The following CTNNA2 variants were observed in gnomAD, a reference collection of about 807,000 sequenced individuals.
CTNNA2 encodes catenin alpha-2.
A neutral mutation model predicts 101.0 loss-of-function variants in CTNNA2; 42 were observed. The observed-to-expected ratio is 0.42, with a 90% CI of 0.32 to 0.54. The LOEUF is 0.54. CTNNA2 is among the 20% of genes least tolerant of loss of function. The pLI, the probability that CTNNA2 is intolerant of heterozygous loss-of-function variation, is 0.14. For synonymous variants in CTNNA2, 450 were observed against 456.4 expected (o/e 0.99, Z 0.18); for missense variants, 871 against 1,223.1 (o/e 0.71, Z 4.29).
intron 7 of CTNNA2, among the ~76,000 whole-genome samples, chr2:80,231,596 C>A (rs929346292): frequency 6.6e-6 from 1 of 152,112 alleles, no homozygotes; most frequent in African/African-American, 2.4e-5. Flanking sequence ...ATTATACTTT[C>A]CTCCTCTTGG....
intron 2 of CTNNA2, among the ~76,000 whole-genome samples, chr2:79,258,885 G>A (rs1402091932): frequency 6.9e-6 from 1 of 145,250 alleles, no homozygotes; most frequent in Non-Finnish European, 1.5e-5. Context: ...AAACGAATCT[G>A]ATTGTACCGA....
intron 7 of CTNNA2, among the ~76,000 whole-genome samples, chr2:80,031,533 G>T (rs1352874235): frequency 6.6e-6 from 1 of 152,070 alleles, no homozygotes; most frequent in African/African-American, 2.4e-5. Flanking sequence ...GAGAACAGCA[G>T]GAAAAATCTG....
intron 9 of CTNNA2, among the ~76,000 whole-genome samples, chr2:80,497,598 C>A (rs917455591): frequency 1.3e-5 from 2 of 152,182 alleles, no homozygotes; most frequent in Non-Finnish European, 2.9e-5. Context: ...GTTCTACACA[C>A]CCTGCATAAT....
chr2:79,842,978 C>A (rs1679940742), intron 3 of CTNNA2, among the ~76,000 whole-genome samples: 1 of 152,104 alleles, frequency 6.6e-6, no homozygotes, highest in Non-Finnish European at 1.5e-5. Context: ...CAGAGTATGG[C>A]AAAATAGATT....
At chr2:79,550,822 C>T (rs1021351365) in intron 1 of CTNNA2, among the ~76,000 whole-genome samples, 2 of 152,140 alleles carry the variant, frequency 1.3e-5, no homozygotes, top group African/African-American at 4.8e-5. Flanking sequence ...AATATACCCA[C>T]AGTCACCTAG....
At chr2:80,638,817 T>A (rs949547448) in intron 18 of CTNNA2, among the ~76,000 whole-genome samples, 3 of 152,200 alleles carry the variant, frequency 2.0e-5, no homozygotes, top group African/African-American at 7.2e-5. Context: ...GAATTAAAAA[T>A]GAAGACACAA....
intron 3 of CTNNA2, among the ~76,000 whole-genome samples, chr2:79,315,328 C>T (rs996839859): frequency 9.9e-5 from 15 of 152,220 alleles, no homozygotes; most frequent in Admixed American, 3.9e-4. Flanking sequence ...AGCTGTACAA[C>T]CATTACCACT....
intron 1 of CTNNA2, among the ~76,000 whole-genome samples, chr2:79,649,074 A>G (rs554053059): frequency 6.6e-6 from 1 of 152,206 alleles, no homozygotes; most frequent in East Asian, 1.9e-4. Flanking sequence ...GGCCCTAACT[A>G]ACACTTGCTT....
chr2:80,380,973 T>TA (rs1226738982), intron 7 of CTNNA2, among the ~76,000 whole-genome samples: 1 of 152,196 alleles, frequency 6.6e-6, no homozygotes, highest in African/African-American at 2.4e-5. Context: ...GTTTAGTTTT[T>TA]AACTGTCATG....
intron 7 of CTNNA2, among the ~76,000 whole-genome samples, chr2:80,380,928 CAT>C (rs1452568734): frequency 2.6e-5 from 4 of 152,146 alleles, no homozygotes; most frequent in Non-Finnish European, 4.4e-5. Flanking sequence ...CGATGTGAGA[CAT>C]GTGTTCCAGG....
In CTNNA2 at chr2:79,224,995, A is replaced by T. The variant is rs567315489; in HGVS notation, c.-406+26919A>T. On this transcript the variant is annotated intron_variant, in intron 2 of 21. Coordinates refer to the CTNNA2 transcript ENST00000466387. ...TTGTTGGATAATATGACAGTCTACAAATATACTCCAGTTTGTTTATCTATT... is the reference window on the plus strand; with the variant it reads ...TTGTTGGATAATATGACAGTCTACATATATACTCCAGTTTGTTTATCTATT... 2.3e-3 allele frequency among the ~76,000 whole-genome samples: 349 copies of T among 152,066 alleles called. 3 individuals carry two copies. Among genetic ancestry groups the T allele is most frequent in the Non-Finnish European group, 4.3e-3 (289 of 67,954 alleles).
At chr2:80,502,507 A>G (rs946476541) in intron 9 of CTNNA2, among the ~76,000 whole-genome samples, 5 of 152,220 alleles carry the variant, frequency 3.3e-5, no homozygotes, top group African/African-American at 1.2e-4. Context: ...ATTACAAGAA[A>G]GCACTGCTTT....
chr2:80,430,534 T>A (rs74647761), intron 9 of CTNNA2, among the ~76,000 whole-genome samples: 3,209 of 152,278 alleles, frequency 0.021, 45 homozygotes, highest in Middle Eastern at 0.054. Context: ...CTGTATAGAT[T>A]CATATTTATA....
intron 7 of CTNNA2, among the ~76,000 whole-genome samples, chr2:80,262,216 G>T (rs933742844): frequency 2.0e-5 from 3 of 152,014 alleles, no homozygotes; most frequent in Admixed American, 2.0e-4. Flanking sequence ...CATCTATATA[G>T]CTGGAGATCA....
intron 7 of CTNNA2, among the ~76,000 whole-genome samples, chr2:80,264,412 A>C (rs962059341): frequency 6.6e-6 from 1 of 152,156 alleles, no homozygotes; most frequent in African/African-American, 2.4e-5. Flanking sequence ...ATCACACAAG[A>C]AGGTGTTTGC....
intron 3 of CTNNA2, among the ~76,000 whole-genome samples, chr2:79,746,801 T>C (rs758875377): frequency 9.2e-5 from 14 of 152,228 alleles, no homozygotes; most frequent in Non-Finnish European, 1.6e-4. Flanking sequence ...ATGGGTTCTT[T>C]CCTTGTTACT....
intron 2 of CTNNA2, among the ~76,000 whole-genome samples, chr2:79,690,454 C>A (rs927193283): frequency 6.6e-6 from 1 of 151,984 alleles, no homozygotes; most frequent in Non-Finnish European, 1.5e-5. Flanking sequence ...CATGTCCCTG[C>A]AAAGGACATG....
intron 1 of CTNNA2, among the ~76,000 whole-genome samples, chr2:79,574,849 T>G (rs1675688431): frequency 6.6e-6 from 1 of 152,142 alleles, no homozygotes. Context: ...GTATAAGTGT[T>G]CCCTTTTCTT....
intron 7 of CTNNA2, among the ~76,000 whole-genome samples, chr2:80,091,636 G>T (rs746814036): frequency 2.0e-5 from 3 of 152,016 alleles, no homozygotes; most frequent in Non-Finnish European, 4.4e-5. Context: ...AGACTGAAGG[G>T]GTATTATGCC....
Sources: allele counts gnomAD v4.1 joint callset (sites outside exome capture counted in the v4.1 genomes callset), GRCh38; gene constraint gnomAD v4.1.1; transcripts MANE v1.5; gene names NCBI Gene and HGNC (gene_info 2026-07-23, HGNC 2026-07-21).